The following NPEPPS variants were observed in gnomAD, a reference collection of about 807,000 sequenced individuals.
The protein encoded by NPEPPS is puromycin-sensitive aminopeptidase.
A neutral mutation model predicts 115.5 loss-of-function variants in NPEPPS; 14 were observed. That is an observed-to-expected ratio of 0.12 (90% CI 0.08 to 0.19). The LOEUF is 0.19. Ranked by LOEUF, NPEPPS falls within the 10% of genes least tolerant of loss-of-function variation. The pLI is 1.00. For missense variants in NPEPPS, 523 were observed against 1,110.8 expected (o/e 0.47, Z 7.52); for synonymous variants, 285 against 390.6 (o/e 0.73, Z 3.19).
In NPEPPS at chr17:47,545,925, A is replaced by G; in HGVS notation, c.272A>G (p.Asn91Ser). 6.4e-7 allele frequency: 1 copy of G among 1,560,852 alleles called. No homozygotes were observed. The highest frequency in any genetic ancestry group is 8.7e-7 in the Non-Finnish European group (1 of 1,150,556). The change falls in exon 2 of 23, where the codon AAT (asparagine) becomes AGT (serine). Residue 91 changes from asparagine (N) to serine (S), a missense_variant. By Grantham distance (46) the Asn-to-Ser change is conservative. Transcript: ENST00000322157. ...TCCCCTTAGGTGAGGCAGGCGACTA[A>G]TCAGATTGTGATGAATTGTGCTGAT... ...EAAAQVRQAT[N>S]QIVMNCADID...
At chr17:47,546,166 C>T (rs1234040815) in intron 2 of NPEPPS, among the ~76,000 whole-genome samples, 173 bp downstream of exon 2, 1 of 151,978 alleles carries the variant, frequency 6.6e-6, no homozygotes, top group African/African-American at 2.4e-5. Flanking sequence ...GTGGCTCACG[C>T]CTGTAATCGC....
intron 20 of NPEPPS, 124 bp downstream of exon 20, chr17:47,618,581 A>G: frequency 1.5e-6 from 1 of 656,226 alleles, no homozygotes; most frequent in South Asian, 2.0e-5. Flanking sequence ...TTCCAGAGTA[A>G]CTGGCTTGAG....
chr17:47,580,745 T>A (rs2143836738), intron 4 of NPEPPS: 1 of 150,836 alleles, frequency 6.6e-6, no homozygotes, highest in East Asian at 2.0e-4. Context: ...CATCTCCATC[T>A]CTCAGTTAAA....
chr17:47,533,732 G>C (rs1294308622), intron 1 of NPEPPS, among the ~76,000 whole-genome samples: 1 of 152,072 alleles, frequency 6.6e-6, no homozygotes, highest in Non-Finnish European at 1.5e-5. Flanking sequence ...GCCATTGAGT[G>C]AGCATATGGT....
intron 22 of NPEPPS, among the ~76,000 whole-genome samples, chr17:47,621,208 G>T (rs1048745328): frequency 1.7e-4 from 26 of 151,558 alleles, no homozygotes; most frequent in Non-Finnish European, 2.9e-4. Flanking sequence ...AAAGACCATG[G>T]GGTGTTAAAT....
intron 1 of NPEPPS, among the ~76,000 whole-genome samples, chr17:47,534,329 T>C (rs547104634): frequency 1.3e-5 from 2 of 152,302 alleles, no homozygotes; most frequent in South Asian, 4.1e-4. Context: ...TCTGCCCGCC[T>C]TGGCCTCCTA....
In NPEPPS at chr17:47,618,716, G is replaced by A. The variant is rs1476287666; in HGVS notation, c.2403+259G>A. 3.3e-5 allele frequency among the ~76,000 whole-genome samples: 5 copies of A among 152,322 alleles called. No individual in the cohort carries two copies. The East Asian group carries it at 9.6e-4, about 29-fold the overall frequency. On this transcript the variant is annotated intron_variant, in intron 20 of 22. Coordinates refer to ENST00000322157, the MANE Select transcript of NPEPPS (RefSeq NM_006310.4). ...AGGGACTCTTGAAAACTGGGAAACT[G>A]GCTTATGCCTTTGCTTACTTTGTGT...
chr17:47,608,013 T>G (rs1231860576), intron 17 of NPEPPS, among the ~76,000 whole-genome samples: 1 of 152,070 alleles, frequency 6.6e-6, no homozygotes, highest in Non-Finnish European at 1.5e-5. Flanking sequence ...AGCTATGTTT[T>G]TTTTTTTTGG....
At chr17:47,547,894 C>T (rs1360865881) in intron 2 of NPEPPS, among the ~76,000 whole-genome samples, 4 of 152,140 alleles carry the variant, frequency 2.6e-5, no homozygotes, top group African/African-American at 9.6e-5. Context: ...GGCGTGGTGG[C>T]GGGCGCCTGT....
chr17:47,551,232 C>A (rs1401938449), intron 2 of NPEPPS, among the ~76,000 whole-genome samples: 1 of 151,850 alleles, frequency 6.6e-6, no homozygotes, highest in Non-Finnish European at 1.5e-5. Flanking sequence ...AAAGCAGATA[C>A]CTTTGATTAT....
chr17:47,595,166 G>A (rs541058431), intron 12 of NPEPPS, among the ~76,000 whole-genome samples: 2 of 152,128 alleles, frequency 1.3e-5, no homozygotes, highest in Admixed American at 6.5e-5. Context: ...CCTGACCTCA[G>A]GTGACGTGCC....
At chr17:47,550,200 TGGG>T (rs1468101442) in intron 2 of NPEPPS, among the ~76,000 whole-genome samples, 1 of 152,106 alleles carries the variant, frequency 6.6e-6, no homozygotes, top group African/African-American at 2.4e-5. Flanking sequence ...CCCGAAGTGC[TGGG>T]ATTAAAGGTG....
chr17:47,541,947 C>T (rs1908797758), intron 1 of NPEPPS, among the ~76,000 whole-genome samples: 1 of 152,144 alleles, frequency 6.6e-6, no homozygotes, highest in African/African-American at 2.4e-5. Context: ...TTGAATAGCT[C>T]ATTATAGACT....
chr17:47,621,554 G>A (rs966332817), intron 22 of NPEPPS, among the ~76,000 whole-genome samples: 2 of 152,108 alleles, frequency 1.3e-5, no homozygotes, highest in African/African-American at 4.8e-5. Context: ...ATTAACTTTT[G>A]ATTAGGTTGT....
chr17:47,541,648 T>C (rs1019343786), intron 1 of NPEPPS, among the ~76,000 whole-genome samples: 9 of 152,214 alleles, frequency 5.9e-5, no homozygotes, highest in African/African-American at 1.9e-4. Context: ...GTGCTGGGAT[T>C]ACAGGCATGA....
chr17:47,556,738 G>A (rs1330168014), intron 2 of NPEPPS, among the ~76,000 whole-genome samples: 2 of 152,136 alleles, frequency 1.3e-5, no homozygotes, highest in African/African-American at 2.4e-5. Context: ...GGGACGGGGC[G>A]GCTCAAGCAA....
intron 2 of NPEPPS, among the ~76,000 whole-genome samples, chr17:47,558,242 C>G (rs1291305873): frequency 4.6e-5 from 7 of 151,300 alleles, no homozygotes; most frequent in African/African-American, 1.7e-4. Context: ...GTTTTCCTGC[C>G]TCAGCCTCCC....
At position 47,601,944 on chromosome 17, in the gene NPEPPS, A is replaced by G. The variant is rs572614955; in HGVS notation, c.1740+197A>G. ...AGGGAAGGTAGTGGTAGAGAAGCAG[A>G]TCCAAAGGCATAGGACTAAGGAGGA... On this transcript the variant is annotated intron_variant, in intron 15 of 22. Transcript: ENST00000322157. The G allele has an allele frequency of 4.8e-4, 271 of 562,146 alleles. 1 individual carries two copies. The South Asian group carries it at 5.8e-3, about 12-fold the overall frequency. The allele number at this position is 562,146 out of a possible 1,614,324, so 34.8% of individuals were successfully genotyped here. A position where few individuals can be genotyped will look rare whatever the true frequency, so the allele number is the denominator to read the frequency against.
At chr17:47,562,932 A>G (rs1413491133) in intron 2 of NPEPPS, among the ~76,000 whole-genome samples, 2 of 151,636 alleles carry the variant, frequency 1.3e-5, no homozygotes, top group African/African-American at 2.4e-5. Flanking sequence ...AGTGAAATTA[A>G]CCTTCCATCA....
Sources: gnomAD v4.1 joint callset for allele counts (sites outside exome capture counted in the v4.1 genomes callset) on GRCh38, gnomAD v4.1.1 for gene constraint, MANE v1.5 for transcripts, NCBI Gene and HGNC (gene_info 2026-07-23, HGNC 2026-07-21) for gene names.